Variants in SAMSN1 observed in about 807,000 individuals in gnomAD.
SAMSN1 encodes the protein SAM domain-containing protein SAMSN-1.
A neutral mutation model predicts 42.0 loss-of-function variants in SAMSN1; 31 were observed. The ratio of observed to expected loss-of-function variants is 0.74; its 90% CI spans 0.55 to 1.00. SAMSN1 has a LOEUF of 1.00. Ranked by LOEUF, SAMSN1 falls within the 50% of genes least tolerant of loss-of-function variation. The pLI, the probability that SAMSN1 is intolerant of heterozygous loss-of-function variation, is 0.00. For synonymous variants in SAMSN1, 178 were observed against 151.9 expected (o/e 1.17, Z -1.26); for missense variants, 464 against 439.4 (o/e 1.06, Z -0.50).
intron 2 of SAMSN1, among the ~76,000 whole-genome samples, chr21:14,556,623 T>A (rs1980770556): frequency 6.6e-6 from 1 of 152,158 alleles, no homozygotes; most frequent in African/African-American, 2.4e-5. Flanking sequence ...TAGATGCACA[T>A]TGCCTTCTCC....
chr21:14,555,363 C>T (rs112887699), intron 2 of SAMSN1, among the ~76,000 whole-genome samples: 6 of 152,284 alleles, frequency 3.9e-5, no homozygotes, highest in African/African-American at 1.4e-4. Context: ...TCTAGTTTTG[C>T]CAACTACATT....
intron 5 of SAMSN1, among the ~76,000 whole-genome samples, chr21:14,606,998 G>C (rs902707863): frequency 6.6e-6 from 1 of 152,150 alleles, no homozygotes; most frequent in African/African-American, 2.4e-5. Context: ...ATATCATTTT[G>C]AAATTGAAAT....
At chr21:14,593,729 A>G in intron 7 of SAMSN1, 1 of 253,146 alleles carries the variant, frequency 4.0e-6, no homozygotes, top group Non-Finnish European at 7.6e-6. Flanking sequence ...GCTTTTTAAC[A>G]TTATAAATTT....
At chr21:14,536,325 A>G (rs188536404) in intron 1 of SAMSN1, among the ~76,000 whole-genome samples, 1 of 152,350 alleles carries the variant, frequency 6.6e-6, no homozygotes, top group East Asian at 1.9e-4. Flanking sequence ...GTGTGACTAA[A>G]TTGATTTTTA....
chr21:14,635,245 T>G (rs1162855042), intron 2 of SAMSN1, among the ~76,000 whole-genome samples: 1 of 152,072 alleles, frequency 6.6e-6, no homozygotes, highest in Non-Finnish European at 1.5e-5. Flanking sequence ...GGCTTAAAAC[T>G]TAGATGATGG....
intron 2 of SAMSN1, among the ~76,000 whole-genome samples, chr21:14,618,933 C>T (rs1339313490): frequency 6.6e-6 from 1 of 152,028 alleles, no homozygotes; most frequent in African/African-American, 2.4e-5. Context: ...TTATTTTTCT[C>T]CCTAGCAATT....
At chr21:14,581,599 T>C (rs1169421651) in intron 2 of SAMSN1, among the ~76,000 whole-genome samples, 1 of 151,594 alleles carries the variant, frequency 6.6e-6, no homozygotes, top group Non-Finnish European at 1.5e-5. Context: ...GACCTCATGA[T>C]CCTCCCGCCT....
At chr21:14,582,179 C>A (rs778734866) in exon 2 of SAMSN1, 7 of 1,550,332 alleles carry the variant, frequency 4.5e-6, no homozygotes, top group East Asian at 2.4e-5. Context: ...AGACTTGAGA[C>A]GTGTGTGGCG....
At chr21:14,550,466 G>A (rs1386800055), upstream of SAMSN1, among the ~76,000 whole-genome samples, 1 of 152,124 alleles carries the variant, frequency 6.6e-6, no homozygotes, top group Admixed American at 6.6e-5. Context: ...TTAACAGGAA[G>A]TGGCAAGAAG....
upstream of SAMSN1, among the ~76,000 whole-genome samples, chr21:14,587,870 A>G (rs1183917750): frequency 2.0e-5 from 3 of 148,378 alleles, no homozygotes; most frequent in South Asian, 2.2e-4. Flanking sequence ...TGCATTAGGT[A>G]TATCTCCCAA....
At position 14,561,363 on chromosome 21, in the gene SAMSN1, A is replaced by G. The variant is rs929856376; in HGVS notation, c.261+20773T>C. ...AGAGTGATAACTCTAGTTCTTCTGC[A>G]TGGGCTGGCCTCAATCAATTAAATT... On this transcript the variant is annotated intron_variant, in intron 2 of 8. Transcript: ENST00000285670. Among the ~76,000 whole-genome samples, 34 of 152,278 alleles carry G rather than the reference A, an allele frequency of 2.2e-4. 6 individuals carry two copies. Among genetic ancestry groups the G allele is most frequent in the Admixed American group, 1.2e-3 (19 of 15,278 alleles).
At chr21:14,548,900 A>G (rs1402057407), upstream of SAMSN1, among the ~76,000 whole-genome samples, 1 of 152,192 alleles carries the variant, frequency 6.6e-6, no homozygotes, top group East Asian at 1.9e-4. Context: ...ACTACTGACC[A>G]TGATTAAACC....
At chr21:14,512,239 A>AGTTTTCAC (rs1987718269) in intron 4 of SAMSN1, among the ~76,000 whole-genome samples, 1 of 152,218 alleles carries the variant, frequency 6.6e-6, no homozygotes, top group South Asian at 2.1e-4. Flanking sequence ...CAGTGTTAAA[A>AGTTTTCAC]GTTTTCACAC....
At chr21:14,612,188 G>T (rs1042370080) in intron 4 of SAMSN1, among the ~76,000 whole-genome samples, 1 of 152,140 alleles carries the variant, frequency 6.6e-6, no homozygotes. Context: ...AGCCAAGATT[G>T]CACCATTGCA....
At chr21:14,596,732 C>T (rs1487358084) in intron 6 of SAMSN1, among the ~76,000 whole-genome samples, 2 of 152,068 alleles carry the variant, frequency 1.3e-5, no homozygotes, top group African/African-American at 2.4e-5. Flanking sequence ...ACTGAGGTCA[C>T]CTACCTATAG....
Position 14,512,449 on chromosome 21 carries a change from G to A in SAMSN1, c.404C>T (p.Ser135Leu). Residue 135 changes from serine (S) to leucine (L), a missense_variant, in exon 4 of 8, where the codon TCA becomes TTA. By Grantham distance (145) the Ser-to-Leu change is moderately radical. Coordinates refer to ENST00000400566, the MANE Select transcript of SAMSN1 (RefSeq NM_022136.5). ...SMDSLYSGQS[S>L]SSGITSCSDG... is the part of the protein sequence containing the mutation. ...CCCTGATTCATTAGCCTTACTTGAT[G>A]AGCTCTGTCCACTGTAGAGACTATC... 6.2e-7 allele frequency: 1 copy of A among 1,613,122 alleles called. No homozygotes were observed. Among genetic ancestry groups the A allele is most frequent in the East Asian group, 2.2e-5 (1 of 44,864 alleles).
At chr21:14,543,936 G>T (rs150067456) in intron 1 of SAMSN1, among the ~76,000 whole-genome samples, 27 of 152,258 alleles carry the variant, frequency 1.8e-4, no homozygotes, top group African/African-American at 6.0e-4. Context: ...TGATGGTTCT[G>T]TTTCTAAACA....
intron 7 of SAMSN1, among the ~76,000 whole-genome samples, chr21:14,492,839 T>G (rs759656380): frequency 2.6e-5 from 4 of 152,240 alleles, no homozygotes; most frequent in Non-Finnish European, 4.4e-5. Flanking sequence ...ATTAAATACA[T>G]ACAAGTAAAA....
intron 2 of SAMSN1, among the ~76,000 whole-genome samples, chr21:14,619,379 G>A (rs966024051): frequency 6.6e-6 from 1 of 152,168 alleles, no homozygotes; most frequent in Non-Finnish European, 1.5e-5. Flanking sequence ...AAATCCCATG[G>A]TGAATTTTTA....
Sources: allele counts gnomAD v4.1 joint callset (sites outside exome capture counted in the v4.1 genomes callset), GRCh38; gene constraint gnomAD v4.1.1; transcripts MANE v1.5; gene names NCBI Gene and HGNC (gene_info 2026-07-23, HGNC 2026-07-21).